Variants in SLC38A11 observed in about 807,000 individuals in gnomAD.
SLC38A11 encodes the protein solute carrier family 38 member 11, also known as putative sodium-coupled neutral amino acid transporter 11.
In SLC38A11, 51 loss-of-function variants were observed where a neutral mutation model predicts 49.4. That is an observed-to-expected ratio of 1.03 (90% CI 0.83 to 1.30). SLC38A11 has a LOEUF of 1.30. SLC38A11 is among the 50% of genes most tolerant of loss of function. The pLI, the probability that SLC38A11 is intolerant of heterozygous loss-of-function variation, is 0.00. For missense variants in SLC38A11, 574 were observed against 556.2 expected, an observed-to-expected ratio of 1.03 and a Z score of -0.32; for synonymous variants, 203 against 192.9, an observed-to-expected ratio of 1.05 and a Z score of -0.43.
At chr2:164,918,202 G>A (rs1244426043) in intron 7 of SLC38A11, among the ~76,000 whole-genome samples, 2 of 151,994 alleles carry the variant, frequency 1.3e-5, no homozygotes, top group Admixed American at 1.3e-4. Flanking sequence ...AACTGTAAAT[G>A]CTGAAATATG....
intron 11 of SLC38A11, among the ~76,000 whole-genome samples, chr2:164,901,135 C>T (rs558849273): frequency 1.3e-5 from 2 of 151,948 alleles, no homozygotes. Flanking sequence ...TTTCTTGGCT[C>T]TCTTTTATGT....
chr2:164,940,662 T>C (rs1687703048), intron 5 of SLC38A11, among the ~76,000 whole-genome samples: 1 of 151,048 alleles, frequency 6.6e-6, no homozygotes, highest in Non-Finnish European at 1.5e-5. Flanking sequence ...CAAAATGACA[T>C]AAATTTTTAC....
rs934754727 is a variant in SLC38A11 at position 164,897,237 on chromosome 2, A to G, written c.*1200T>C. ...TAAGGAAGCATGTGGTGACAAAGCTATCAGTAGACCACCTCGAGCTCTCAG... is the reference window on the plus strand; with the variant it reads ...TAAGGAAGCATGTGGTGACAAAGCTGTCAGTAGACCACCTCGAGCTCTCAG... On this transcript the variant is annotated 3_prime_UTR_variant, in exon 12 of 12. Coordinates refer to ENST00000685975, the MANE Select transcript of SLC38A11 (RefSeq NM_001351537.2). 1 of 152,152 alleles carries G rather than the reference A, an allele frequency of 6.6e-6. No homozygotes were observed. The highest frequency in any genetic ancestry group is 1.5e-5 in the Non-Finnish European group (1 of 68,036). 9.4% of individuals were successfully genotyped at this position (152,152 alleles called of 1,614,324 possible). A position where few individuals can be genotyped will look rare whatever the true frequency, so the allele number is the denominator to read the frequency against.
At chr2:164,909,146 G>T (rs1390850629) in intron 10 of SLC38A11, among the ~76,000 whole-genome samples, 1 of 152,080 alleles carries the variant, frequency 6.6e-6, no homozygotes, top group Non-Finnish European at 1.5e-5. Context: ...TATTTGCATG[G>T]CCTCTAAGAA....
chr2:164,918,838 C>G (rs1381334219), intron 7 of SLC38A11, among the ~76,000 whole-genome samples: 1 of 151,768 alleles, frequency 6.6e-6, no homozygotes, highest in Admixed American at 6.6e-5. Flanking sequence ...GTGGCAGTGA[C>G]AACAAAAACA....
chr2:164,933,578 C>A (rs947715865), intron 7 of SLC38A11, among the ~76,000 whole-genome samples: 1 of 151,938 alleles, frequency 6.6e-6, no homozygotes, highest in African/African-American at 2.4e-5. Context: ...TACCAGTAGC[C>A]ATTATAGACC....
intron 7 of SLC38A11, among the ~76,000 whole-genome samples, chr2:164,932,043 A>G (rs925142440): frequency 6.6e-6 from 1 of 152,080 alleles, no homozygotes; most frequent in African/African-American, 2.4e-5. Context: ...GGTCTAATAT[A>G]TAGCATCTTA....
intron 5 of SLC38A11, among the ~76,000 whole-genome samples, chr2:164,940,933 T>G (rs1321048538): frequency 1.3e-5 from 2 of 151,972 alleles, no homozygotes; most frequent in South Asian, 4.1e-4. Context: ...TACATATTTG[T>G]GGTGAATATA....
chr2:164,914,933 A>G (rs529348141), intron 9 of SLC38A11, among the ~76,000 whole-genome samples, 179 bp downstream of exon 9: 1 of 152,088 alleles, frequency 6.6e-6, no homozygotes, highest in South Asian at 2.1e-4. Context: ...TAAATTGAGC[A>G]GTTTAAAAAG....
chr2:164,943,638 A>T (rs527962226), intron 5 of SLC38A11, among the ~76,000 whole-genome samples: 4 of 152,176 alleles, frequency 2.6e-5, no homozygotes, highest in South Asian at 2.1e-4. Context: ...AACTGGAGGG[A>T]GTGATGGAAT....
Position 164,911,661 on chromosome 2 carries a change from G to A in SLC38A11, c.938C>T (p.Pro313Leu), listed in dbSNP as rs1176650596. The stretch of plus-strand genomic sequence containing the variant: ...CTCTCTTGTCACAAAGCATTCCATA[G>A]GGTATGTCAAAATGACAGTGACACC... ...CYGVTVILTY[P>L]MECFVTREVI... The change falls in exon 10 of 12, where the codon CCT becomes CTT. Residue 313 changes from proline to leucine, a missense_variant. Coordinates refer to ENST00000685975, the MANE Select transcript of SLC38A11 (RefSeq NM_001351537.2). 6.2e-7 allele frequency: 1 copy of A among 1,603,354 alleles called. No individual in the cohort carries two copies. The highest frequency in any genetic ancestry group is 8.5e-7 in the Non-Finnish European group (1 of 1,173,786).
At chr2:164,954,551 A>C in intron 2 of SLC38A11, 80 bp downstream of exon 2, 1 of 572,892 alleles carries the variant, frequency 1.7e-6, no homozygotes, top group Non-Finnish European at 2.9e-6. Flanking sequence ...CTTTAAAAAT[A>C]ATTAATGAAC....
intron 7 of SLC38A11, among the ~76,000 whole-genome samples, chr2:164,935,589 C>A (rs1687316876): frequency 6.6e-6 from 1 of 151,438 alleles, no homozygotes; most frequent in Non-Finnish European, 1.5e-5. Context: ...GAGGATGAGG[C>A]AGGAGGACTG....
chr2:164,916,514 G>A (rs1685802096), intron 7 of SLC38A11, among the ~76,000 whole-genome samples: 1 of 152,146 alleles, frequency 6.6e-6, no homozygotes. Context: ...TAACACTTAA[G>A]TATTATTATC....
chr2:164,955,501 G>GA lies in SLC38A11; in HGVS notation c.-255dup, dbSNP rs1688786791. ...CAGACAAATGTATTTTTCCTCCGGA[G>GA]ACGGAGATGCTGCAGGATGTTTCTG... On this transcript the variant is annotated 5_prime_UTR_variant, in exon 1 of 12. Transcript: ENST00000685975. 1.8e-6 allele frequency: 1 copy of GA among 541,696 alleles called. No homozygotes were observed. 33.6% of individuals were successfully genotyped at this position (541,696 alleles called of 1,614,324 possible).
At chr2:164,910,549 T>C (rs2105455477) in intron 10 of SLC38A11, among the ~76,000 whole-genome samples, 1 of 152,242 alleles carries the variant, frequency 6.6e-6, no homozygotes, top group East Asian at 1.9e-4. Flanking sequence ...GAAGTGCTAG[T>C]TGTAAAGGAC....
At chr2:164,915,719 T>C (rs1685733833) in intron 8 of SLC38A11, 184 bp downstream of exon 8, 1 of 540,468 alleles carries the variant, frequency 1.9e-6, no homozygotes, top group African/African-American at 1.8e-5. Flanking sequence ...TTGAAGCAAA[T>C]TTTAGTGATG....
At chr2:164,917,303 A>G (rs1685863053) in intron 7 of SLC38A11, among the ~76,000 whole-genome samples, 1 of 152,208 alleles carries the variant, frequency 6.6e-6, no homozygotes, top group African/African-American at 2.4e-5. Flanking sequence ...AAGAAGGTAC[A>G]TACAAAAAAA....
chr2:164,934,628 GT>G (rs1429400615), intron 7 of SLC38A11, among the ~76,000 whole-genome samples: 1 of 152,072 alleles, frequency 6.6e-6, no homozygotes, highest in Non-Finnish European at 1.5e-5. Flanking sequence ...CTTTAGCTAT[GT>G]TTCCCCCTCA....
Sources: allele counts gnomAD v4.1 joint callset (sites outside exome capture counted in the v4.1 genomes callset), GRCh38; gene constraint gnomAD v4.1.1; transcripts MANE v1.5; gene names NCBI Gene and HGNC (gene_info 2026-07-23, HGNC 2026-07-21).